Variants in DUSP11 observed in about 807,000 individuals in gnomAD.
The protein encoded by DUSP11 is RNA/RNP complex-1-interacting phosphatase.
In DUSP11, 27 loss-of-function variants were observed where a neutral mutation model predicts 41.4. That is an observed-to-expected ratio of 0.65 (90% CI 0.48 to 0.90). The LOEUF is 0.90. Among genes scored for constraint, DUSP11 ranks in the 40% least tolerant of loss-of-function variants. The pLI is 0.00. For missense variants in DUSP11, 465 were observed against 461.1 expected (o/e 1.01, Z -0.08); for synonymous variants, 188 against 159.3 (o/e 1.18, Z -1.35).
chr2:73,777,554 T>C (rs1672709543), intron 2 of DUSP11, among the ~76,000 whole-genome samples: 1 of 152,326 alleles, frequency 6.6e-6, no homozygotes, highest in East Asian at 1.9e-4. Context: ...AAAAATACAA[T>C]CTTCAGATTT....
At chr2:73,771,827 CT>C (rs1358176035) in intron 4 of DUSP11, among the ~76,000 whole-genome samples, 51 of 134,812 alleles carry the variant, frequency 3.8e-4, no homozygotes, top group Admixed American at 6.0e-4. Context: ...TAACCCACAT[CT>C]TTTTTTTTTT....
exon 7 of DUSP11, chr2:73,766,833 G>A (rs1353696929): frequency 1.2e-6 from 2 of 1,610,722 alleles, no homozygotes; most frequent in Admixed American, 1.7e-5. Flanking sequence ...CTTACTTTCT[G>A]ATAGGACCAT....
exon 6 of DUSP11, chr2:73,767,192 T>C: frequency 1.9e-6 from 3 of 1,612,338 alleles, no homozygotes; most frequent in South Asian, 2.2e-5. Context: ...TCACGCCTTC[T>C]ACATCAATCA....
In DUSP11 at chr2:73,780,091, G is replaced by C. The variant is rs563112073; in HGVS notation, c.25C>G (p.Arg9Gly). 45 of 1,571,860 alleles carry C rather than the reference G, an allele frequency of 2.9e-5. No individual in the cohort carries two copies. In the African/African-American group the frequency reaches 5.3e-4, roughly 18 times the overall value. Residue 9 changes from arginine to glycine, a missense_variant, in exon 1 of 9, where the codon CGC becomes GGC. Arg to Gly is a moderately radical substitution (Grantham distance 125). Coordinates refer to ENST00000272444, the Ensembl canonical transcript of DUSP11. ...AAGACTCGGCAGCCACCTACGCCGC[G>C]CTCCAGCGTCTCGCTATTGCGCATG...
chr2:73,776,830 T>C (rs1383505680), intron 2 of DUSP11, among the ~76,000 whole-genome samples: 1 of 152,250 alleles, frequency 6.6e-6, no homozygotes, highest in Non-Finnish European at 1.5e-5. Context: ...TAAGAGATAT[T>C]AGTACTACTG....
At chr2:73,771,657 GTTAT>G (rs1672580310) in intron 4 of DUSP11, among the ~76,000 whole-genome samples, 3 of 94,604 alleles carry the variant, frequency 3.2e-5, no homozygotes, top group Non-Finnish European at 7.0e-5. Context: ...CCATGCCTGG[GTTAT>G]TTTTTTTTTT....
At chr2:73,771,604 C>G (rs1052167408) in intron 4 of DUSP11, among the ~76,000 whole-genome samples, 1 of 151,630 alleles carries the variant, frequency 6.6e-6, no homozygotes, top group African/African-American at 2.4e-5. Flanking sequence ...CGCCATTCCC[C>G]TGCCTCAGCC....
chr2:73,774,837 G>T, intron 3 of DUSP11, 76 bp downstream of exon 3: 1 of 1,283,968 alleles, frequency 7.8e-7, no homozygotes, highest in African/African-American at 1.5e-5. Context: ...ATTAGCACAA[G>T]ATGATTACTG....
intron 4 of DUSP11, among the ~76,000 whole-genome samples, chr2:73,770,535 A>G (rs574938578): frequency 6.6e-6 from 1 of 151,898 alleles, no homozygotes; most frequent in South Asian, 2.1e-4. Context: ...AAAAGAAAGA[A>G]AAAAGAAGGC....
At chr2:73,769,023 A>G in intron 5 of DUSP11, 1 of 388,726 alleles carries the variant, frequency 2.6e-6, no homozygotes, top group Non-Finnish European at 4.5e-6. Flanking sequence ...ATCACATATT[A>G]AATTAAAAAA....
At chr2:73,767,124 A>C (rs765862553) in intron 6 of DUSP11, 37 bp downstream of exon 6, 1 of 1,572,664 alleles carries the variant, frequency 6.4e-7, no homozygotes, top group East Asian at 2.2e-5. Flanking sequence ...CTTTAACTTT[A>C]ATAAAAGGGA....
At chr2:73,763,690 T>C (rs1029890696) in intron 8 of DUSP11, among the ~76,000 whole-genome samples, 1 of 151,536 alleles carries the variant, frequency 6.6e-6, no homozygotes, top group African/African-American at 2.4e-5. Context: ...ACCATTACAC[T>C]CCAGCCCGGG....
chr2:73,772,504 G>A (rs566837175), intron 4 of DUSP11, among the ~76,000 whole-genome samples: 6 of 152,280 alleles, frequency 3.9e-5, no homozygotes, highest in African/African-American at 7.2e-5. Flanking sequence ...TCAGTATAAC[G>A]TGAACAACTA....
At chr2:73,766,620 T>C (rs1194911631) in intron 7 of DUSP11, 26 bp from the exon 8 acceptor site, 1 of 1,579,304 alleles carries the variant, frequency 6.3e-7, no homozygotes, top group Non-Finnish European at 8.6e-7. Context: ...TTCCACACAA[T>C]ATTACTGGTT....
At chr2:73,778,647 G>C (rs1438195231) in intron 1 of DUSP11, among the ~76,000 whole-genome samples, 2 of 152,136 alleles carry the variant, frequency 1.3e-5, no homozygotes, top group Non-Finnish European at 2.9e-5. Flanking sequence ...CAGAACTTCT[G>C]TATCCCTGTT....
intron 2 of DUSP11, among the ~76,000 whole-genome samples, chr2:73,776,395 ACAAG>A (rs1321031461): frequency 1.4e-5 from 2 of 147,938 alleles, no homozygotes; most frequent in Non-Finnish European, 3.0e-5. Context: ...AGCCTGGGCG[ACAAG>A]CGAGACACCA....
At chr2:73,767,460 A>AGGCGTG in intron 5 of DUSP11, 1 of 334,460 alleles carries the variant, frequency 3.0e-6, no homozygotes. Flanking sequence ...TAATAAACAA[A>AGGCGTG]AGGAAAGAAA....
At chr2:73,777,416 T>C (rs1402950581) in intron 2 of DUSP11, among the ~76,000 whole-genome samples, 1 of 152,270 alleles carries the variant, frequency 6.6e-6, no homozygotes, top group Non-Finnish European at 1.5e-5. Flanking sequence ...ATCTGAGCTA[T>C]GCTGGGGAAG....
chr2:73,774,780 T>G (rs1482249659), intron 3 of DUSP11, 133 bp downstream of exon 3: 2 of 601,006 alleles, frequency 3.3e-6, no homozygotes, highest in Non-Finnish European at 5.4e-6. Flanking sequence ...AGAAATCACT[T>G]GGTTCTCTTT....
Sources: gnomAD v4.1 joint callset for allele counts (sites outside exome capture counted in the v4.1 genomes callset) on GRCh38, gnomAD v4.1.1 for gene constraint, MANE v1.5 for transcripts, NCBI Gene and HGNC (gene_info 2026-07-23, HGNC 2026-07-21) for gene names.